Variants in ROBO2 observed in about 807,000 individuals in gnomAD.
ROBO2 encodes roundabout guidance receptor 2.
In ROBO2, 53 loss-of-function variants were observed where a neutral mutation model predicts 160.8. That is an observed-to-expected ratio of 0.33 (90% CI 0.26 to 0.41). The LOEUF (loss-of-function observed/expected upper bound fraction) is 0.41. Ranked by LOEUF, ROBO2 falls within the 10% of genes least tolerant of loss-of-function variation. ROBO2 has a pLI of 1.00. For synonymous variants in ROBO2, 664 were observed against 611.7 expected (o/e 1.09, Z -1.26); for missense variants, 1,577 against 1,722.4 (o/e 0.92, Z 1.49).
At chr3:77,415,798 G>T (rs911990439) in intron 2 of ROBO2, among the ~76,000 whole-genome samples, 1 of 152,036 alleles carries the variant, frequency 6.6e-6, no homozygotes, top group Non-Finnish European at 1.5e-5. Flanking sequence ...CTTTCCCAGG[G>T]AGTCCCCAGG....
At chr3:76,353,028 A>G (rs927805561) in intron 2 of ROBO2, among the ~76,000 whole-genome samples, 1 of 151,982 alleles carries the variant, frequency 6.6e-6, no homozygotes, top group African/African-American at 2.4e-5. Context: ...TACAATTCTA[A>G]CTTAGCAGTC....
intron 2 of ROBO2, among the ~76,000 whole-genome samples, chr3:77,476,656 A>C (rs2153584593): frequency 6.6e-6 from 1 of 152,244 alleles, no homozygotes; most frequent in Admixed American, 6.5e-5. Context: ...GAGAAGCACA[A>C]GTAGATAGAT....
chr3:76,662,114 C>G (rs1387923162), intron 2 of ROBO2, among the ~76,000 whole-genome samples: 2 of 152,074 alleles, frequency 1.3e-5, no homozygotes, highest in Non-Finnish European at 2.9e-5. Flanking sequence ...TGCCCCACTT[C>G]CCATCATGGC....
intron 2 of ROBO2, among the ~76,000 whole-genome samples, chr3:76,855,753 G>A (rs1324638557): frequency 6.6e-6 from 1 of 151,982 alleles, no homozygotes; most frequent in South Asian, 2.1e-4. Flanking sequence ...GAAATGCTTT[G>A]TTTCTTAATT....
intron 2 of ROBO2, among the ~76,000 whole-genome samples, chr3:76,533,447 A>G (rs2108091021): frequency 6.6e-6 from 1 of 152,350 alleles, no homozygotes; most frequent in Admixed American, 6.5e-5. Context: ...CAGAGGAAAA[A>G]TTGCTCATGT....
At chr3:76,580,342 G>GTTTTTTT (rs71101901) in intron 2 of ROBO2, among the ~76,000 whole-genome samples, 4 of 90,554 alleles carry the variant, frequency 4.4e-5, no homozygotes, top group Non-Finnish European at 6.2e-5. Flanking sequence ...TTTTTTTTGT[G>GTTTTTTT]TTTTTTTTTT....
intron 2 of ROBO2, among the ~76,000 whole-genome samples, chr3:77,347,522 T>C (rs2067798940): frequency 6.6e-6 from 1 of 152,050 alleles, no homozygotes; most frequent in Non-Finnish European, 1.5e-5. Context: ...TCTCCCCTTA[T>C]CTCTCCCTAT....
At chr3:77,601,795 T>C (rs1397103148) in intron 19 of ROBO2, among the ~76,000 whole-genome samples, 1 of 152,246 alleles carries the variant, frequency 6.6e-6, no homozygotes, top group Admixed American at 6.5e-5. Context: ...TTAGCAGTTG[T>C]AGTCCATGTC....
chr3:76,086,947 CCT>C (rs1426916609), intron 2 of ROBO2, among the ~76,000 whole-genome samples: 8 of 152,120 alleles, frequency 5.3e-5, no homozygotes, highest in African/African-American at 1.7e-4. Flanking sequence ...ATGAGAAAAG[CCT>C]CTCTGAGCTG....
At chr3:77,237,411 T>G (rs373572216) in intron 2 of ROBO2, among the ~76,000 whole-genome samples, 10 of 131,046 alleles carry the variant, frequency 7.6e-5, no homozygotes, top group Non-Finnish European at 9.7e-5. Flanking sequence ...TTGTTTTGTT[T>G]TGTGTGTGTG....
chr3:76,883,780 G>A (rs1007412552), intron 2 of ROBO2, among the ~76,000 whole-genome samples: 1 of 152,140 alleles, frequency 6.6e-6, no homozygotes, highest in Non-Finnish European at 1.5e-5. Context: ...ATTAACTGTG[G>A]AATTTGTGCT....
intron 2 of ROBO2, among the ~76,000 whole-genome samples, chr3:76,805,619 G>T (rs534624781): frequency 6.6e-6 from 1 of 151,552 alleles, no homozygotes; most frequent in Non-Finnish European, 1.5e-5. Context: ...TCAGAAAAGC[G>T]ATATAAAGCT....
At chr3:77,060,829 G>A (rs1471198363) in intron 1 of ROBO2, among the ~76,000 whole-genome samples, 1 of 152,092 alleles carries the variant, frequency 6.6e-6, no homozygotes, top group East Asian at 1.9e-4. Context: ...CAGGCACCAA[G>A]CAATTTATGT....
At chr3:76,691,149 AT>A (rs1193182969) in intron 2 of ROBO2, among the ~76,000 whole-genome samples, 1 of 152,096 alleles carries the variant, frequency 6.6e-6, no homozygotes, top group African/African-American at 2.4e-5. Flanking sequence ...GGATTCATTC[AT>A]TATCTTGGGA....
intron 2 of ROBO2, among the ~76,000 whole-genome samples, chr3:77,253,241 C>G (rs76612521): frequency 0.013 from 1,954 of 152,016 alleles, 48 homozygotes; most frequent in African/African-American, 0.044. Context: ...AATTGTGGTT[C>G]CTAAGAGACT....
intron 2 of ROBO2, among the ~76,000 whole-genome samples, chr3:76,429,632 C>T (rs753049233): frequency 6.6e-6 from 1 of 152,152 alleles, no homozygotes; most frequent in Non-Finnish European, 1.5e-5. Context: ...CATTTCATAG[C>T]TTCTCTTGGT....
chr3:76,577,994 A>G (rs562069560), intron 2 of ROBO2, among the ~76,000 whole-genome samples: 2 of 152,116 alleles, frequency 1.3e-5, no homozygotes, highest in African/African-American at 4.8e-5. Context: ...TAACTTTCAA[A>G]TTTCCTTCTC....
chr3:76,070,731 A>G (rs113460592), intron 2 of ROBO2, among the ~76,000 whole-genome samples: 3,797 of 151,984 alleles, frequency 0.025, 143 homozygotes, highest in African/African-American at 0.08. Context: ...CTGACATGTG[A>G]TGTCTCCCCC....
At chr3:76,148,136 T>G (rs565204781) in intron 2 of ROBO2, among the ~76,000 whole-genome samples, 2 of 152,030 alleles carry the variant, frequency 1.3e-5, no homozygotes, top group Non-Finnish European at 2.9e-5. Flanking sequence ...TTTATAAAGT[T>G]GTTAGGAATG....
Sources: allele counts gnomAD v4.1 joint callset (sites outside exome capture counted in the v4.1 genomes callset), GRCh38; gene constraint gnomAD v4.1.1; transcripts MANE v1.5; gene names NCBI Gene and HGNC (gene_info 2026-07-23, HGNC 2026-07-21).